The following ULK4 variants were observed in gnomAD, a reference collection of about 807,000 sequenced individuals.
ULK4 encodes unc-51 like kinase 4.
ULK4 carries 133 observed loss-of-function variants against 160.6 expected under a neutral mutation model. The ratio of observed to expected loss-of-function variants is 0.83; its 90% CI spans 0.72 to 0.96. The LOEUF (loss-of-function observed/expected upper bound fraction) is 0.96, where lower values mean the gene tolerates loss of function less well. Ranked by LOEUF, ULK4 falls within the 40% of genes least tolerant of loss-of-function variation. ULK4 has a pLI of 0.00. For synonymous variants in ULK4, 534 were observed against 539.8 expected (o/e 0.99, Z 0.15); for missense variants, 1,580 against 1,499.5 (o/e 1.05, Z -0.89).
At chr3:41,428,133 T>C (rs1039697304) in intron 34 of ULK4, among the ~76,000 whole-genome samples, 3 of 148,150 alleles carry the variant, frequency 2.0e-5, no homozygotes, top group African/African-American at 7.4e-5. Flanking sequence ...AACAGGCAAG[T>C]AGACAACCAA....
intron 30 of ULK4, among the ~76,000 whole-genome samples, chr3:41,659,167 A>G (rs2035053252): frequency 6.6e-6 from 1 of 152,204 alleles, no homozygotes; most frequent in Non-Finnish European, 1.5e-5. Flanking sequence ...AGAAATGTAA[A>G]TTGGTACAAC....
At chr3:41,628,013 A>C (rs1345631279) in intron 30 of ULK4, among the ~76,000 whole-genome samples, 1 of 152,208 alleles carries the variant, frequency 6.6e-6, no homozygotes, top group Non-Finnish European at 1.5e-5. Flanking sequence ...TTTTACCCTA[A>C]AGGTTATGGG....
At chr3:41,346,420 T>C (rs1386602) in intron 35 of ULK4, among the ~76,000 whole-genome samples, 35,270 of 152,060 alleles carry the variant, frequency 0.23, 4,219 homozygotes, top group African/African-American at 0.26. Context: ...ATCAATGCTA[T>C]CCTTTTTGGC....
At position 41,435,951 on chromosome 3, in the gene ULK4, C is replaced by CATAAATAA. The variant is rs58982909; in HGVS notation, c.3492+19538_3492+19545dup. Among the ~76,000 whole-genome samples, 106 of 150,354 alleles carry CATAAATAA rather than the reference C, an allele frequency of 7.1e-4. No homozygotes were observed. In the Middle Eastern group the frequency reaches 0.01, roughly 14 times the overall value. On this transcript the variant is annotated intron_variant, in intron 34 of 36. Coordinates refer to ENST00000301831, the MANE Select transcript of ULK4 (RefSeq NM_017886.4). ...CAACAGAGCAAGACTCCGTCTCATT[C>CATAAATAA]ATAAATAAATAAATAAATAAATAAA...
chr3:41,760,229 A>G (rs1435434095), intron 21 of ULK4, among the ~76,000 whole-genome samples: 1 of 152,178 alleles, frequency 6.6e-6, no homozygotes, highest in Admixed American at 6.5e-5. Flanking sequence ...TCATACTGAG[A>G]TATAACTATG....
At chr3:41,635,167 A>C (rs2033898440) in intron 30 of ULK4, among the ~76,000 whole-genome samples, 1 of 152,202 alleles carries the variant, frequency 6.6e-6, no homozygotes. Context: ...AGTATCCCCA[A>C]GCCTATTTTA....
chr3:41,799,636 C>T (rs1430539213), intron 20 of ULK4, among the ~76,000 whole-genome samples: 5 of 152,082 alleles, frequency 3.3e-5, no homozygotes. Context: ...CCAGGGCAGG[C>T]AGATTGCTTG....
At chr3:41,944,266 G>C (rs1700047292) in intron 2 of ULK4, among the ~76,000 whole-genome samples, 1 of 152,340 alleles carries the variant, frequency 6.6e-6, no homozygotes, top group Admixed American at 6.5e-5. Context: ...GGTAGAATCA[G>C]TTTGCAAGTG....
chr3:41,535,830 C>A (rs1054965837), intron 32 of ULK4, among the ~76,000 whole-genome samples: 10 of 152,320 alleles, frequency 6.6e-5, no homozygotes, highest in Admixed American at 1.3e-4. Context: ...CTCTAACATC[C>A]ACCAGCTGGG....
intron 21 of ULK4, among the ~76,000 whole-genome samples, chr3:41,764,181 G>A (rs892410517): frequency 1.6e-4 from 24 of 152,102 alleles, no homozygotes; most frequent in African/African-American, 5.6e-4. Flanking sequence ...TCTTACACGT[G>A]ATTTAGCTAT....
At chr3:41,434,046 TATG>T (rs1463892271) in intron 34 of ULK4, among the ~76,000 whole-genome samples, 1 of 152,186 alleles carries the variant, frequency 6.6e-6, no homozygotes, top group East Asian at 1.9e-4. Context: ...TGAGTGTCAA[TATG>T]ATACCACAAA....
chr3:41,755,446 A>G (rs1345024398), intron 21 of ULK4, among the ~76,000 whole-genome samples: 1 of 152,140 alleles, frequency 6.6e-6, no homozygotes, highest in Admixed American at 6.5e-5. Context: ...AAATTATCAA[A>G]GCCAAATTAT....
intron 32 of ULK4, among the ~76,000 whole-genome samples, chr3:41,556,124 A>G (rs1327871795): frequency 3.3e-5 from 5 of 152,188 alleles, no homozygotes; most frequent in Non-Finnish European, 7.3e-5. Context: ...ATAAACCCCC[A>G]TGACACAAGT....
intron 31 of ULK4, among the ~76,000 whole-genome samples, chr3:41,590,866 T>C (rs958960300): frequency 3.3e-5 from 5 of 151,098 alleles, no homozygotes; most frequent in Admixed American, 6.6e-5. Flanking sequence ...ATACATGTAA[T>C]TGAGGATAAA....
chr3:41,751,505 G>A (rs1310305623), intron 22 of ULK4, among the ~76,000 whole-genome samples: 1 of 152,158 alleles, frequency 6.6e-6, no homozygotes, highest in Non-Finnish European at 1.5e-5. Flanking sequence ...CACTCATCCT[G>A]TTTGTTGTGT....
intron 22 of ULK4, among the ~76,000 whole-genome samples, chr3:41,737,816 T>G (rs1299106097): frequency 2.0e-5 from 3 of 151,926 alleles, no homozygotes; most frequent in Non-Finnish European, 4.4e-5. Context: ...GATAAATAAG[T>G]TTGGGCCCAA....
chr3:41,429,651 A>G (rs182477307), intron 34 of ULK4, among the ~76,000 whole-genome samples: 16 of 152,190 alleles, frequency 1.1e-4, no homozygotes, highest in Non-Finnish European at 1.9e-4. Flanking sequence ...GAAAAACCAA[A>G]TATCGCATGT....
At chr3:41,778,192 GACAA>G (rs1424425517) in intron 21 of ULK4, among the ~76,000 whole-genome samples, 1 of 103,628 alleles carries the variant, frequency 9.6e-6, no homozygotes, top group Non-Finnish European at 1.8e-5. Flanking sequence ...ACCAACAACA[GACAA>G]ACAGAGAGCC....
Position 41,589,243 on chromosome 3 carries a change from G to A in ULK4, c.3121-23113C>T, listed in dbSNP as rs372797722. Among the ~76,000 whole-genome samples the A allele has an allele frequency of 1.2e-4, 19 of 152,036 alleles. No homozygotes were observed. In the South Asian group the frequency reaches 3.5e-3, roughly 28 times the overall value. On this transcript the variant is annotated intron_variant, in intron 31 of 36. Transcript: ENST00000301831. Reference sequence around the variant, plus strand: ...TTTTCAGACAGAGACACAGTGAGCGGGAACCTATACAGAGTCCAGCAATCT... The same window carrying A: ...TTTTCAGACAGAGACACAGTGAGCGAGAACCTATACAGAGTCCAGCAATCT...
Sources: gnomAD v4.1 joint callset for allele counts (sites outside exome capture counted in the v4.1 genomes callset) on GRCh38, gnomAD v4.1.1 for gene constraint, MANE v1.5 for transcripts, NCBI Gene and HGNC (gene_info 2026-07-23, HGNC 2026-07-21) for gene names.